Variants in PKD1 observed in about 807,000 individuals in gnomAD.
PKD1 encodes the protein polycystin 1, transient receptor potential channel interacting, also known as polycystin-1.
Under a neutral mutation model 361.7 loss-of-function variants are expected in PKD1, and 81 were observed. That is an observed-to-expected ratio of 0.22 (90% CI 0.19 to 0.27). PKD1 has a LOEUF of 0.27. PKD1 is among the 10% of genes least tolerant of loss of function. The probability of loss-of-function intolerance (pLI) is 1.00; values close to 1 mark genes in which losing one functional copy is unlikely to be tolerated. For synonymous variants in PKD1, 3,615 were observed against 2,818.3 expected (o/e 1.28, Z -8.95); for missense variants, 6,399 against 6,118.3 (o/e 1.05, Z -1.53).
chr16:2,108,525 A>C lies in PKD1; in HGVS notation c.6642T>G (p.Pro2214=). The C allele has an allele frequency of 6.2e-7, 1 of 1,609,050 alleles. No individual in the cohort carries two copies. The highest frequency in any genetic ancestry group is 8.5e-7 in the Non-Finnish European group (1 of 1,179,016). ...VALPGVDVSR[P]RLVLPRLALP... ...GCGCCAGCCGCGGCAGCACCAGCCGAGGCCGGCTCACGTCCACGCCGGGCA... is the reference window on the plus strand; with the variant it reads ...GCGCCAGCCGCGGCAGCACCAGCCGCGGCCGGCTCACGTCCACGCCGGGCA... The change falls in exon 15 of 46, where the codon CCT becomes CCG. Residue 2214 remains proline, a synonymous_variant. Coordinates refer to ENST00000262304, the MANE Select transcript of PKD1 (RefSeq NM_001009944.3).
intron 1 of PKD1, among the ~76,000 whole-genome samples, chr16:2,130,533 T>G (rs1443873373): frequency 6.6e-6 from 1 of 152,178 alleles, no homozygotes; most frequent in Non-Finnish European, 1.5e-5. Context: ...TGGCCCTCCT[T>G]CTGCTGAGGG....
rs2092357800 is a variant in PKD1, at chr16:2,106,908, T to C, written c.7106A>G (p.Glu2369Gly). Residue 2369 changes from glutamate to glycine, a missense_variant, in exon 17 of 46, where the codon GAG (glutamate) becomes GGG (glycine). Physicochemically the swap from Glu to Gly is moderately conservative, Grantham distance 98 (BLOSUM62 -2). Transcript: ENST00000262304. The surrounding 1 kb of genome is among the most constrained non-coding windows in gnomAD (Gnocchi z 6.5). ...RSGRVPIVSL[E>G]CVSCKAQAVY... ...GGCCTGTGCCTTGCAGGACACACACTCCAAGGACACAATGGGCACCCGGCC... is the reference window on the plus strand; with the variant it reads ...GGCCTGTGCCTTGCAGGACACACACCCCAAGGACACAATGGGCACCCGGCC... 1 of 1,570,266 alleles carries C rather than the reference T, an allele frequency of 6.4e-7. No individual in the cohort carries two copies.
Position 2,110,772 on chromosome 16 carries a change from G to C in PKD1, c.4395C>G (p.Pro1465=), listed in dbSNP as rs369961970. The C allele has an allele frequency of 9.3e-6, 15 of 1,610,698 alleles. No individual in the cohort carries two copies. Among genetic ancestry groups the C allele is most frequent in the African/African-American group, 1.3e-5 (1 of 74,852 alleles). The part of the protein sequence containing the change: ...NDSALVEVQE[P]VLVTSIKVNG... ...TGACCTTGATGCTGGTGACCAGCAC[G>C]GGCTCCTGCACCTCCACCAGGGCTG... is the stretch of plus-strand genomic sequence containing the variant. The change falls in exon 15 of 46, where the codon CCC becomes CCG. Residue 1465 remains proline, a synonymous_variant. Transcript: ENST00000262304.
In PKD1 at chr16:2,102,734, T is replaced by C. The variant is rs182818590; in HGVS notation, c.8948+80A>G. ...GGTCCAGTCCCCTCGCTGCCTGCCG[T>C]CCCCATGGGGCCAGTAACCCAGGCA... On this transcript the variant is annotated intron_variant, in intron 24 of 45. Coordinates refer to ENST00000262304, the MANE Select transcript of PKD1 (RefSeq NM_001009944.3). 2,277 of 1,604,900 alleles carry C rather than the reference T, an allele frequency of 1.4e-3. 39 individuals carry two copies. In the African/African-American group the frequency reaches 0.028, roughly 20 times the overall value.
Position 2,097,251 on chromosome 16 carries a change from C to T in PKD1, c.10406-10G>A. On this transcript the variant is annotated splice_polypyrimidine_tract_variant and intron_variant, in intron 33 of 45. Transcript: ENST00000262304. ...TGGATCAGGTCTTCATCTAGAGGTA[C>T]AGGAGGCATAGGGTGGGCCCAGCTG... 6.3e-7 allele frequency: 1 copy of T among 1,595,480 alleles called. No individual in the cohort carries two copies. The highest frequency in any genetic ancestry group is 8.5e-7 in the Non-Finnish European group (1 of 1,171,200).
intron 39 of PKD1, 59 bp from the exon 40 acceptor site, chr16:2,092,247 T>C: frequency 6.6e-7 from 1 of 1,521,218 alleles, no homozygotes; most frequent in African/African-American, 1.4e-5. Context: ...AACAGGAGTG[T>C]TTCCTGCTGG....
chr16:2,091,367 G>C, intron 42 of PKD1, 56 bp downstream of exon 42: 1 of 957,866 alleles, frequency 1.0e-6, no homozygotes, highest in Non-Finnish European at 1.3e-6. Flanking sequence ...GGGGCCCCGC[G>C]AGGGGGCGGG....
Position 2,091,431 on chromosome 16 carries a change from G to A in PKD1, c.11704C>T (p.Leu3902Phe), listed in dbSNP as rs1028656800. The A allele has an allele frequency of 4.2e-6, 5 of 1,182,444 alleles. No individual in the cohort carries two copies. The highest frequency in any genetic ancestry group is 4.2e-6 in the Non-Finnish European group (4 of 954,418). 73.2% of individuals were successfully genotyped at this position (1,182,444 alleles called of 1,614,324 possible). A position where few individuals can be genotyped will look rare whatever the true frequency, so the allele number is the denominator to read the frequency against. The change falls in exon 42 of 46, where the codon CTC becomes TTC. Residue 3902 changes from leucine (L) to phenylalanine (F), a missense_variant. Transcript: ENST00000262304. ...GCCGGGGACGGGCGTACCGAGGTGA[G>A]CAGAGGCAGCGAGAGGCCCGCGCTG... ...RLSAGLSLPL[L>F]TSVCLLLFAV...
In PKD1 at chr16:2,117,784, C is replaced by CA; in HGVS notation, c.1201+6dup. ...GGGAGGAAGGGGAGTGGGCAGCAGA[C>CA]ACTCACCTCGGGCCGGCTCCTCGCC... On this transcript the variant is annotated splice_region_variant and intron_variant, in intron 5 of 45. Coordinates refer to ENST00000262304, the MANE Select transcript of PKD1 (RefSeq NM_001009944.3). The CA allele has an allele frequency of 9.4e-7, 1 of 1,067,378 alleles. No individual in the cohort carries two copies. 66.1% of individuals were successfully genotyped at this position (1,067,378 alleles called of 1,614,324 possible).
In PKD1 at chr16:2,116,871, G is replaced by A. The variant is rs2092646755; in HGVS notation, c.1568C>T (p.Ser523Leu). 5 of 1,532,250 alleles carry A rather than the reference G, an allele frequency of 3.3e-6. No homozygotes were observed. The highest frequency in any genetic ancestry group is 2.4e-5 in the South Asian group (2 of 84,506). 94.9% of individuals were successfully genotyped at this position (1,532,250 alleles called of 1,614,324 possible). A position where few individuals can be genotyped will look rare whatever the true frequency, so the allele number is the denominator to read the frequency against. Residue 523 changes from serine to leucine, a missense_variant, in exon 7 of 46, where the codon TCA becomes TTA. Transcript: ENST00000262304. The stretch of plus-strand genomic sequence containing the variant: ...CTCGCAGACGTAGCTGTGCGGCGCT[G>A]AGCACAGGTCGGTGTTACACCACCC... ...PTGWCNTDLC[S>L]APHSYVCELQ...
rs34379884 is a variant in PKD1 at position 2,088,737 on chromosome 16, T to C, written c.*990A>G. On this transcript the variant is annotated 3_prime_UTR_variant, in exon 46 of 46. Coordinates refer to ENST00000262304, the MANE Select transcript of PKD1 (RefSeq NM_001009944.3). ...AGTCAGACAGCTCTTTTATTGACTT[T>C]GTCTGCTTGGTGCGGGGGTTGGGGG... 0.022 allele frequency: 29,364 copies of C among 1,321,668 alleles called. 424 individuals carry two copies. Among genetic ancestry groups the C allele is most frequent in the Middle Eastern group, 0.032 (149 of 4,618 alleles). The allele number at this position is 1,321,668 out of a possible 1,614,324, so 81.9% of individuals were successfully genotyped here.
At chr16:2,105,739 C>G in intron 20 of PKD1, 126 bp downstream of exon 20, 3 of 1,309,354 alleles carry the variant, frequency 2.3e-6, no homozygotes, top group Non-Finnish European at 3.2e-6. Flanking sequence ...GGTGCTGCTT[C>G]AGGGTCACTG....
Position 2,090,910 on chromosome 16 carries a change from A to C in PKD1, c.11977T>G (p.Ser3993Ala). ...LSSAARGLAA[S>A]LLFLLLVKAA... Reference sequence around the variant, plus strand: ...TTGACCAAAAGCAGGAAGAGCAGCGAGGCCGCCAGGCCACGGGCTGCGGAG... The same window carrying C: ...TTGACCAAAAGCAGGAAGAGCAGCGCGGCCGCCAGGCCACGGGCTGCGGAG... Residue 3993 changes from serine to alanine, a missense_variant, in exon 43 of 46, where the codon TCG becomes GCG. Coordinates refer to ENST00000262304, the MANE Select transcript of PKD1 (RefSeq NM_001009944.3). The C allele has an allele frequency of 6.3e-7, 1 of 1,592,700 alleles. No homozygotes were observed.
chr16:2,104,888 G>A (rs1385259915), intron 21 of PKD1, among the ~76,000 whole-genome samples: 3 of 102,036 alleles, frequency 2.9e-5, no homozygotes, highest in African/African-American at 4.2e-5. Flanking sequence ...GAGAGCGGAG[G>A]AGGAGGGGAG....
intron 8 of PKD1, 123 bp from the exon 9 acceptor site, chr16:2,116,241 G>C: frequency 9.5e-7 from 1 of 1,052,378 alleles, no homozygotes. Context: ...ACCCCCACAG[G>C]CCTGGCTCCT....
chr16:2,112,379 G>C lies in PKD1; in HGVS notation c.3256C>G (p.Leu1086Val), dbSNP rs554871978. The change falls in exon 14 of 46, where the codon CTG becomes GTG. Residue 1086 changes from leucine (L) to valine (V), a missense_variant. Transcript: ENST00000262304. ...PVPDPSVAQV[L>V]VEHNVMHTYA... is the part of the protein sequence containing the mutation. Reference sequence around the variant, plus strand: ...GTGTGCATGACATTGTGCTCCACCAGCACCTGGGCCACCGAGGGGTCTGGA... The same window carrying C: ...GTGTGCATGACATTGTGCTCCACCACCACCTGGGCCACCGAGGGGTCTGGA... The C allele has an allele frequency of 2.3e-5, 37 of 1,587,514 alleles. 2 individuals are homozygous for C. In the South Asian group the frequency reaches 3.8e-4, roughly 16 times the overall value.
At chr16:2,122,501 A>G (rs1375788772) in intron 1 of PKD1, among the ~76,000 whole-genome samples, 5 of 152,210 alleles carry the variant, frequency 3.3e-5, no homozygotes, top group Non-Finnish European at 7.4e-5. Context: ...CACTGCCCAT[A>G]AGGATGGGTG....
rs1394279685 is a variant in PKD1 at position 2,088,862 on chromosome 16, C to G, written c.*865G>C. 2 of 552,108 alleles carry G rather than the reference C, an allele frequency of 3.6e-6. No homozygotes were observed. The highest frequency in any genetic ancestry group is 6.4e-6 in the Non-Finnish European group (2 of 311,988). 34.2% of individuals were successfully genotyped at this position (552,108 alleles called of 1,614,324 possible). A position where few individuals can be genotyped will look rare whatever the true frequency, so the allele number is the denominator to read the frequency against. On this transcript the variant is annotated 3_prime_UTR_variant, in exon 46 of 46. Transcript: ENST00000262304. ...TTGAGGCTGCCTGGGCCATACAGCACACTCGCGCGTGCGCGCGCGCACACA... is the reference window on the plus strand; with the variant it reads ...TTGAGGCTGCCTGGGCCATACAGCAGACTCGCGCGTGCGCGCGCGCACACA...
At chr16:2,129,679 A>C (rs2092844995) in intron 1 of PKD1, among the ~76,000 whole-genome samples, 1 of 150,634 alleles carries the variant, frequency 6.6e-6, no homozygotes, top group South Asian at 2.1e-4. Context: ...TCTCCTGAAT[A>C]GCTGGGACCA....
Sources: allele counts gnomAD v4.1 joint callset (sites outside exome capture counted in the v4.1 genomes callset), GRCh38; gene constraint gnomAD v4.1.1; non-coding constraint Gnocchi (gnomAD v3.1); transcripts MANE v1.5; gene names NCBI Gene and HGNC (gene_info 2026-07-23, HGNC 2026-07-21).